The following DNAJC13 variants were observed in gnomAD, a reference collection of about 807,000 sequenced individuals.
The protein encoded by DNAJC13 is dnaJ homolog subfamily C member 13.
In DNAJC13, 75 loss-of-function variants were observed where a neutral mutation model predicts 290.5. That is an observed-to-expected ratio of 0.26 (90% CI 0.21 to 0.31). The LOEUF (loss-of-function observed/expected upper bound fraction) is 0.31, where lower values mean the gene tolerates loss of function less well. Among genes scored for constraint, DNAJC13 ranks in the 10% least tolerant of loss-of-function variants. DNAJC13 has a pLI of 1.00. For synonymous variants in DNAJC13, 862 were observed against 892.0 expected (o/e 0.97, Z 0.60); for missense variants, 2,260 against 2,674.5 (o/e 0.85, Z 3.42).
intron 33 of DNAJC13, 108 bp from the exon 34 acceptor site, chr3:132,494,036 A>G: frequency 1.3e-6 from 1 of 745,776 alleles, no homozygotes; most frequent in South Asian, 2.0e-5. Flanking sequence ...TTAATTGGAC[A>G]GCTAAAAGTA....
intron 51 of DNAJC13, among the ~76,000 whole-genome samples, chr3:132,525,224 C>T (rs1936217574): frequency 6.6e-6 from 1 of 152,110 alleles, no homozygotes; most frequent in South Asian, 2.1e-4. Context: ...CCTGTAATCC[C>T]AGCTACTTGG....
chr3:132,533,524 C>T (rs1419362000), intron 55 of DNAJC13, among the ~76,000 whole-genome samples: 1 of 151,684 alleles, frequency 6.6e-6, no homozygotes, highest in African/African-American at 2.4e-5. Flanking sequence ...TTAGTAGAGA[C>T]GGGGTTTTGC....
chr3:132,424,985 A>T lies in DNAJC13; in HGVS notation c.-14+7225A>T, dbSNP rs149247087. 5.7e-4 allele frequency among the ~76,000 whole-genome samples: 87 copies of T among 152,240 alleles called. 1 individual carries two copies. The highest frequency in any genetic ancestry group is 1.9e-3 in the African/African-American group (81 of 41,570). ...CCCCCATACACAGCACATTCTATCT[A>T]AACAGTTTAGTTGTAGCTATTTAAT... is the stretch of plus-strand genomic sequence containing the variant. On this transcript the variant is annotated intron_variant, in intron 1 of 55. Transcript: ENST00000260818.
chr3:132,428,901 AT>A (rs112401785), intron 1 of DNAJC13, among the ~76,000 whole-genome samples: 7,108 of 151,826 alleles, frequency 0.047, 522 homozygotes, highest in African/African-American at 0.16. Context: ...CGCCTGGCTA[AT>A]TTTTGTATTT....
chr3:132,477,592 T>C (rs930212326), intron 22 of DNAJC13, among the ~76,000 whole-genome samples, 197 bp from the exon 23 acceptor site: 3 of 152,206 alleles, frequency 2.0e-5, no homozygotes, highest in Admixed American at 6.5e-5. Context: ...TGTGACAATT[T>C]TTATCAGCAG....
At chr3:132,522,704 GGTTATGGCCCA>G in intron 48 of DNAJC13, 113 bp from the exon 49 acceptor site, 1 of 769,906 alleles carries the variant, frequency 1.3e-6, no homozygotes, top group Non-Finnish European at 2.0e-6. Flanking sequence ...TTTAGGTAAT[GGTTATGGCCCA>G]CATAAGTCAT....
chr3:132,498,647 A>G (rs1559899272), intron 36 of DNAJC13, among the ~76,000 whole-genome samples: 1 of 152,114 alleles, frequency 6.6e-6, no homozygotes, highest in Non-Finnish European at 1.5e-5. Context: ...TTTTTTATCA[A>G]CTGGCATTAG....
At chr3:132,461,506 T>C (rs943680015) in intron 15 of DNAJC13, among the ~76,000 whole-genome samples, 27 of 152,172 alleles carry the variant, frequency 1.8e-4, no homozygotes, top group African/African-American at 6.3e-4. Context: ...TAAGCATCCA[T>C]GTAGGCTGCG....
intron 1 of DNAJC13, among the ~76,000 whole-genome samples, chr3:132,426,782 T>C (rs1939102814): frequency 6.6e-6 from 1 of 152,162 alleles, no homozygotes; most frequent in Non-Finnish European, 1.5e-5. Flanking sequence ...TTAAATTTAT[T>C]TTGTGAAGTT....
At chr3:132,442,426 G>C (rs1933102451) in intron 2 of DNAJC13, among the ~76,000 whole-genome samples, 1 of 152,170 alleles carries the variant, frequency 6.6e-6, no homozygotes, top group Admixed American at 6.5e-5. Context: ...TGTTTAATCT[G>C]TCTGTTAAAA....
At chr3:132,527,827 T>G (rs1401493621) in intron 53 of DNAJC13, among the ~76,000 whole-genome samples, 1 of 152,218 alleles carries the variant, frequency 6.6e-6, no homozygotes, top group Non-Finnish European at 1.5e-5. Flanking sequence ...TCAGAGATTG[T>G]TGCCTATTAA....
chr3:132,478,897 C>T (rs544592876), intron 24 of DNAJC13, among the ~76,000 whole-genome samples: 1 of 152,274 alleles, frequency 6.6e-6, no homozygotes, highest in African/African-American at 2.4e-5. Flanking sequence ...GTGTTTACAT[C>T]CTTTTACTTC....
intron 24 of DNAJC13, among the ~76,000 whole-genome samples, chr3:132,478,499 A>G (rs1029904276): frequency 5.3e-5 from 8 of 152,228 alleles, no homozygotes; most frequent in African/African-American, 1.9e-4. Context: ...TGATGCTACC[A>G]TACTAAATTT....
At chr3:132,477,704 CAGAA>C (rs1934519718) in intron 22 of DNAJC13, 81 bp from the exon 23 acceptor site, 11 of 937,858 alleles carry the variant, frequency 1.2e-5, no homozygotes, top group South Asian at 3.3e-5. Flanking sequence ...AAGTTTTGAA[CAGAA>C]AGAACTATAA....
Position 132,466,313 on chromosome 3 carries a change from G to A in DNAJC13, c.1983G>A (p.Leu661=). The stretch of plus-strand genomic sequence containing the variant: ...TGTGTTTTTAGCCGCCAGGCTTGCT[G>A]GCATACTTGGAAAGCTCAGATCTCG... ...LLKRILPPGL[L]AYLESSDLVP... Residue 661 remains leucine (L), a synonymous_variant, in exon 19 of 56, where the codon CTG becomes CTA. Coordinates refer to ENST00000260818, the MANE Select transcript of DNAJC13 (RefSeq NM_015268.4). The A allele has an allele frequency of 1.3e-6, 2 of 1,589,268 alleles. No individual in the cohort carries two copies. Among genetic ancestry groups the A allele is most frequent in the African/African-American group, 1.4e-5 (1 of 73,290 alleles).
intron 6 of DNAJC13, 123 bp from the exon 7 acceptor site, chr3:132,453,175 C>A: frequency 2.5e-6 from 2 of 785,256 alleles, no homozygotes; most frequent in Non-Finnish European, 4.0e-6. Context: ...GCTTATTTGC[C>A]TCTAATACCT....
chr3:132,499,864 T>C, intron 38 of DNAJC13, 56 bp downstream of exon 38: 1 of 1,483,834 alleles, frequency 6.7e-7, no homozygotes, highest in Non-Finnish European at 9.3e-7. Context: ...GGTTCAGACT[T>C]TAACATATCT....
At chr3:132,424,746 C>T (rs555586565) in intron 1 of DNAJC13, among the ~76,000 whole-genome samples, 7 of 152,056 alleles carry the variant, frequency 4.6e-5, no homozygotes, top group Admixed American at 3.9e-4. Context: ...CTGGAGGTAT[C>T]GGGTTCTTCA....
In DNAJC13 at chr3:132,457,379, G is replaced by A. The variant is rs1933644409; in HGVS notation, c.1449+11G>A. On this transcript the variant is annotated intron_variant, in intron 13 of 55. Transcript: ENST00000260818. ...TGTGCCCTTATGTGTGTAAGTAGTA[G>A]TTTTCTTAAGGAAACTGGTTTTTCT... 6.2e-7 allele frequency: 1 copy of A among 1,605,126 alleles called. No homozygotes were observed.
Sources: gnomAD v4.1 joint callset for allele counts (sites outside exome capture counted in the v4.1 genomes callset) on GRCh38, gnomAD v4.1.1 for gene constraint, MANE v1.5 for transcripts, NCBI Gene and HGNC (gene_info 2026-07-23, HGNC 2026-07-21) for gene names.